VAT1L: variants seen among roughly 807,000 people sequenced by gnomAD.
The protein encoded by VAT1L is putative NADPH-dependent quinone oxidoreductase VAT1L.
Under a neutral mutation model 44.1 loss-of-function variants are expected in VAT1L, and 34 were observed. That is an observed-to-expected ratio of 0.77 (90% CI 0.59 to 1.03). The LOEUF (loss-of-function observed/expected upper bound fraction) is 1.03. VAT1L is among the 50% of genes least tolerant of loss of function. VAT1L has a pLI of 0.00. For synonymous variants in VAT1L, 253 were observed against 202.2 expected (o/e 1.25, Z -2.13); for missense variants, 615 against 538.8 (o/e 1.14, Z -1.40).
At chr16:77,950,083 GA>G (rs1296154463) in intron 7 of VAT1L, among the ~76,000 whole-genome samples, 2 of 152,158 alleles carry the variant, frequency 1.3e-5, no homozygotes, top group Non-Finnish European at 2.9e-5. Flanking sequence ...ATTATCCAAT[GA>G]ACATGTGCTC....
chr16:77,911,130 G>C (rs1469385373), intron 7 of VAT1L, among the ~76,000 whole-genome samples: 1 of 152,196 alleles, frequency 6.6e-6, no homozygotes, highest in African/African-American at 2.4e-5. Context: ...CACCCAGTAA[G>C]ACCAGTGTTC....
intron 3 of VAT1L, among the ~76,000 whole-genome samples, chr16:77,861,262 A>G (rs1015816731): frequency 2.6e-5 from 4 of 152,248 alleles, no homozygotes; most frequent in African/African-American, 9.6e-5. Flanking sequence ...AAAATGGCAG[A>G]TGGAACACCA....
intron 1 of VAT1L, among the ~76,000 whole-genome samples, chr16:77,801,869 C>T (rs2016062416): frequency 6.6e-6 from 1 of 152,292 alleles, no homozygotes; most frequent in East Asian, 1.9e-4. Context: ...TTCCCTTTAT[C>T]CACTCAGTTA....
chr16:77,892,625 C>T lies in VAT1L; in HGVS notation c.1077+7823C>T, dbSNP rs946057218. 1.8e-4 allele frequency: 125 copies of T among 691,008 alleles called. 1 individual carries two copies. The highest frequency in any genetic ancestry group is 5.9e-4 in the Middle Eastern group (2 of 3,408). The allele number at this position is 691,008 out of a possible 1,614,324, so 42.8% of individuals were successfully genotyped here. On this transcript the variant is annotated intron_variant, in intron 7 of 8. Coordinates refer to ENST00000302536, the MANE Select transcript of VAT1L (RefSeq NM_020927.3). Reference sequence around the variant, plus strand: ...TATGTGTCAAGGTGGTGACTTCACACTCCATAATGGCACTGGTGGCAACTC... The same window carrying T: ...TATGTGTCAAGGTGGTGACTTCACATTCCATAATGGCACTGGTGGCAACTC...
intron 3 of VAT1L, among the ~76,000 whole-genome samples, chr16:77,850,866 G>C (rs1286618116): frequency 6.6e-6 from 1 of 152,146 alleles, no homozygotes; most frequent in East Asian, 1.9e-4. Context: ...CCCTGTGAAG[G>C]GGACTTTGCC....
intron 3 of VAT1L, among the ~76,000 whole-genome samples, chr16:77,842,607 G>T (rs1327387583): frequency 6.6e-6 from 1 of 152,186 alleles, no homozygotes; most frequent in Non-Finnish European, 1.5e-5. Flanking sequence ...TGAGAGAGCT[G>T]TAAGAATCGG....
Position 77,971,862 on chromosome 16 carries a change from A to T in VAT1L, c.1090A>T (p.Met364Leu), listed in dbSNP as rs2018281571. ...CCTTTTCGCGCAGGTGAAGGAGGCC[A>T]TGCAGCGGATTCACGACCGAGGGAA... Reference protein sequence around the residue: ...LWALEEVKEAMQRIHDRGNIG... With the variant: ...LWALEEVKEALQRIHDRGNIG... The change falls in exon 8 of 9, where the codon ATG (methionine) becomes TTG (leucine). Residue 364 changes from methionine to leucine, a missense_variant. Met to Leu is a conservative substitution (Grantham distance 15). Coordinates refer to ENST00000302536, the MANE Select transcript of VAT1L (RefSeq NM_020927.3). 2 of 1,613,874 alleles carry T rather than the reference A, an allele frequency of 1.2e-6. No individual in the cohort carries two copies. The highest frequency in any genetic ancestry group is 1.7e-6 in the Non-Finnish European group (2 of 1,179,858).
chr16:77,843,526 G>C (rs1237904800), intron 3 of VAT1L, among the ~76,000 whole-genome samples: 1 of 152,230 alleles, frequency 6.6e-6, no homozygotes, highest in East Asian at 1.9e-4. Context: ...AATTACACCA[G>C]TGAGGCTGAA....
intron 7 of VAT1L, among the ~76,000 whole-genome samples, chr16:77,928,840 T>C (rs1226695174): frequency 2.0e-5 from 3 of 152,074 alleles, no homozygotes; most frequent in Non-Finnish European, 4.4e-5. Context: ...GTTTTTGAGA[T>C]GGAGTCTCAC....
intron 4 of VAT1L, among the ~76,000 whole-genome samples, chr16:77,869,923 C>A (rs749160036): frequency 6.6e-6 from 1 of 152,102 alleles, no homozygotes; most frequent in African/African-American, 2.4e-5. Flanking sequence ...GAGATCAGAC[C>A]GAACTCCTGC....
chr16:77,823,328 C>T lies in VAT1L; in HGVS notation c.364-1918C>T, dbSNP rs527491259. 8.5e-5 allele frequency among the ~76,000 whole-genome samples: 13 copies of T among 152,246 alleles called. No individual in the cohort carries two copies. In the East Asian group the frequency reaches 2.1e-3, roughly 25 times the overall value. ...ACTGCATTCTCTTCTGAAATATTAT[C>T]CCTTCCAAGTAGATTTTCCTCTAAG... On this transcript the variant is annotated intron_variant, in intron 2 of 8. Coordinates refer to ENST00000302536, the MANE Select transcript of VAT1L (RefSeq NM_020927.3).
chr16:77,890,500 T>C (rs1022978813), intron 7 of VAT1L, among the ~76,000 whole-genome samples: 3 of 152,180 alleles, frequency 2.0e-5, no homozygotes, highest in African/African-American at 7.2e-5. Context: ...GCCCCAAGTA[T>C]GATCACTGTA....
At position 77,977,662 on chromosome 16, in the gene VAT1L, C is replaced by T. The variant is rs3751769; in HGVS notation, c.1227C>T (p.Ser409=). The T allele has an allele frequency of 0.091, 146,252 of 1,613,594 alleles. 8,121 individuals carry two copies. Among genetic ancestry groups the T allele is most frequent in the African/African-American group, 0.26 (19,265 of 74,918 alleles). The part of the protein sequence containing the change: ...GEEEEDHEGD[S]ENKERMPFIQ ...AGGAGGAGGACCACGAGGGAGACAGCGAGAACAAGGAGCGGATGCCCTTTA... is the reference window on the plus strand; with the variant it reads ...AGGAGGAGGACCACGAGGGAGACAGTGAGAACAAGGAGCGGATGCCCTTTA... The change falls in exon 9 of 9, where the codon AGC becomes AGT. Residue 409 remains serine (S), a synonymous_variant. Coordinates refer to ENST00000302536, the MANE Select transcript of VAT1L (RefSeq NM_020927.3).
chr16:77,825,972 G>A lies in VAT1L; in HGVS notation c.579+511G>A, dbSNP rs558235226. On this transcript the variant is annotated intron_variant, in intron 3 of 8. Coordinates refer to ENST00000302536, the MANE Select transcript of VAT1L (RefSeq NM_020927.3). Reference sequence around the variant, plus strand: ...CGGGAGGCAGAGCTTGCAGTGAGCCGAGATTGCGCCACTGCACTCCAGCCT... The same window carrying A: ...CGGGAGGCAGAGCTTGCAGTGAGCCAAGATTGCGCCACTGCACTCCAGCCT... Among the ~76,000 whole-genome samples the A allele has an allele frequency of 1.2e-4, 17 of 143,698 alleles. No homozygotes were observed. In the South Asian group the frequency reaches 3.6e-3, roughly 31 times the overall value. 94.3% of individuals were successfully genotyped at this position (143,698 alleles called of 152,430 possible).
intron 7 of VAT1L, among the ~76,000 whole-genome samples, chr16:77,961,139 A>G (rs1249339945): frequency 6.6e-6 from 1 of 152,136 alleles, no homozygotes; most frequent in Non-Finnish European, 1.5e-5. Flanking sequence ...CTTGAGGGAA[A>G]CAGCTGGGGC....
At chr16:77,975,426 GT>G (rs2018328438) in intron 8 of VAT1L, among the ~76,000 whole-genome samples, 1 of 152,002 alleles carries the variant, frequency 6.6e-6, no homozygotes, top group Admixed American at 6.6e-5. Context: ...TGGCCAGGTT[GT>G]TCTTGAAATC....
chr16:77,838,057 A>G (rs773247961), intron 3 of VAT1L, among the ~76,000 whole-genome samples: 2 of 152,160 alleles, frequency 1.3e-5, no homozygotes, highest in Non-Finnish European at 2.9e-5. Context: ...TGCTCTATGA[A>G]CTGGTGAGAT....
At chr16:77,888,105 G>T (rs534215144) in intron 7 of VAT1L, among the ~76,000 whole-genome samples, 3 of 152,234 alleles carry the variant, frequency 2.0e-5, no homozygotes, top group African/African-American at 7.2e-5. Flanking sequence ...TCAGGTCTCA[G>T]CCTCAGTATG....
chr16:77,893,545 G>A (rs2017290352), intron 7 of VAT1L, among the ~76,000 whole-genome samples: 1 of 152,198 alleles, frequency 6.6e-6, no homozygotes, highest in Admixed American at 6.5e-5. Flanking sequence ...CCACATTCAG[G>A]TGAGAGAAGG....
Sources: allele counts gnomAD v4.1 joint callset (sites outside exome capture counted in the v4.1 genomes callset), GRCh38; gene constraint gnomAD v4.1.1; transcripts MANE v1.5; gene names NCBI Gene and HGNC (gene_info 2026-07-23, HGNC 2026-07-21).